Variants in NECAP1 observed in about 807,000 individuals in gnomAD.
NECAP1 encodes adaptin ear-binding coat-associated protein 1.
A neutral mutation model predicts 33.4 loss-of-function variants in NECAP1; 13 were observed. The ratio of observed to expected loss-of-function variants is 0.39; its 90% CI spans 0.25 to 0.62. NECAP1 has a LOEUF of 0.62. Among genes scored for constraint, NECAP1 ranks in the 20% least tolerant of loss-of-function variants. The pLI is 0.52. For synonymous variants in NECAP1, 109 were observed against 125.2 expected, an observed-to-expected ratio of 0.87 and a Z score of 0.86; for missense variants, 272 against 347.4, an observed-to-expected ratio of 0.78 and a Z score of 1.73.
chr12:8,089,952 T>C lies in NECAP1; in HGVS notation c.112T>C (p.Leu38=). The change falls in exon 2 of 8, where the codon TTA becomes CTA. Residue 38 remains leucine (L), a synonymous_variant. Transcript: ENST00000339754. Reference sequence around the variant, plus strand: ...CTGTCCTAGGGCCTCTGACTGGAAATTAGACCAGCCTGATTGGACTGGTCG... The same window carrying C: ...CTGTCCTAGGGCCTCTGACTGGAAACTAGACCAGCCTGATTGGACTGGTCG... ...NRGYRASDWK[L]DQPDWTGRLR... The C allele has an allele frequency of 6.2e-7, 1 of 1,614,160 alleles. No individual in the cohort carries two copies. Among genetic ancestry groups the C allele is most frequent in the Non-Finnish European group, 8.5e-7 (1 of 1,180,004 alleles).
At chr12:8,083,504 ACTGCAACCTCCGCCT>A (rs1947461883) in intron 1 of NECAP1, among the ~76,000 whole-genome samples, 1 of 126,798 alleles carries the variant, frequency 7.9e-6, no homozygotes, top group Admixed American at 1.1e-4. Context: ...ATCTCAGCTC[ACTGCAACCTCCGCCT>A]CCTGGGTTCA....
intron 1 of NECAP1, among the ~76,000 whole-genome samples, chr12:8,086,928 TACACACACACAC>T (rs140539415): frequency 2.8e-5 from 4 of 143,842 alleles, no homozygotes; most frequent in East Asian, 4.1e-4. Context: ...GAGACTCTAT[TACACACACACAC>T]ACACACACAC....
chr12:8,082,753 T>G (rs1947451765), intron 1 of NECAP1: 4 of 130,730 alleles, frequency 3.1e-5, no homozygotes, highest in Non-Finnish European at 4.4e-5. Flanking sequence ...ATCATCCTCA[T>G]CCTTTCTCTC....
chr12:8,082,480 C>G, intron 1 of NECAP1, 97 bp downstream of exon 1: 3 of 1,114,372 alleles, frequency 2.7e-6, no homozygotes, highest in Non-Finnish European at 3.9e-6. Flanking sequence ...ACTACTACCT[C>G]TGTATTGTCA....
At chr12:8,082,457 G>T in intron 1 of NECAP1, 74 bp downstream of exon 1, 1 of 1,355,686 alleles carries the variant, frequency 7.4e-7, no homozygotes, top group Non-Finnish European at 1.0e-6. Flanking sequence ...CTAGCACGCT[G>T]TCCGTCCCTG....
rs1305888324 is a variant in NECAP1, at chr12:8,097,731, G to C, written c.*1641G>C. ...GATATATGTATATAAAGTGTATGCT[G>C]TATTGGTGCAATAATGGTAATTAAA... On this transcript the variant is annotated 3_prime_UTR_variant, in exon 8 of 8. Coordinates refer to ENST00000339754, the MANE Select transcript of NECAP1 (RefSeq NM_015509.4). 6.5e-6 allele frequency: 1 copy of C among 152,702 alleles called. No homozygotes were observed. Among genetic ancestry groups the C allele is most frequent in the East Asian group, 1.9e-4 (1 of 5,182 alleles). The allele number at this position is 152,702 out of a possible 1,614,324, so 9.5% of individuals were successfully genotyped here.
At position 8,092,944 on chromosome 12, in the gene NECAP1, C is replaced by T; in HGVS notation, c.565C>T (p.Pro189Ser). Reference protein sequence around the residue: ...ARGGGLSLLPPPPGGKVTIPP... With the variant: ...ARGGGLSLLPSPPGGKVTIPP... ...GGGTGGGGGTCTGAGCTTACTCCCA[C>T]CCCCGCCAGGAGGCAAAGTCACTAT... is the stretch of plus-strand genomic sequence containing the variant. Residue 189 changes from proline (P) to serine (S), a missense_variant, in exon 6 of 8, where the codon CCC becomes TCC. By Grantham distance (74) the Pro-to-Ser change is moderately conservative (BLOSUM62 -1). Coordinates refer to ENST00000339754, the MANE Select transcript of NECAP1 (RefSeq NM_015509.4). 1.2e-6 allele frequency: 2 copies of T among 1,604,062 alleles called. No homozygotes were observed. Among genetic ancestry groups the T allele is most frequent in the Non-Finnish European group, 1.7e-6 (2 of 1,175,328 alleles).
chr12:8,082,531 A>C (rs1591593545), intron 1 of NECAP1, 148 bp downstream of exon 1: 1 of 658,736 alleles, frequency 1.5e-6, no homozygotes, highest in Non-Finnish European at 2.7e-6. Context: ...CTCCCTGACC[A>C]CCTGCTCCAT....
chr12:8,091,648 G>T lies in NECAP1; in HGVS notation c.302-121G>T, dbSNP rs114276554. 38 of 782,764 alleles carry T rather than the reference G, an allele frequency of 4.9e-5. No homozygotes were observed. In the African/African-American group the frequency reaches 5.5e-4, roughly 11 times the overall value. The allele number at this position is 782,764 out of a possible 1,614,324, so 48.5% of individuals were successfully genotyped here. ...AAATACAATGAAGCTTTGCTCTCTC[G>T]TGTGCAACTCACCTCCTGCTGCATG... On this transcript the variant is annotated intron_variant, in intron 3 of 7. Coordinates refer to ENST00000339754, the MANE Select transcript of NECAP1 (RefSeq NM_015509.4).
intron 7 of NECAP1, 140 bp downstream of exon 7, chr12:8,095,843 T>C: frequency 1.8e-6 from 2 of 1,099,966 alleles, no homozygotes; most frequent in South Asian, 1.4e-5. Flanking sequence ...GAAGGAAATA[T>C]AGTAGTGCTG....
chr12:8,090,130 C>G (rs767823872), intron 2 of NECAP1, 65 bp from the exon 3 acceptor site: 280 of 1,584,106 alleles, frequency 1.8e-4, no homozygotes, highest in Non-Finnish European at 2.3e-4. Context: ...GGAAATACTA[C>G]TTGTTAATTG....
intron 1 of NECAP1, 88 bp from the exon 2 acceptor site, chr12:8,089,848 T>G: frequency 1.0e-6 from 1 of 963,930 alleles, no homozygotes; most frequent in Non-Finnish European, 1.7e-6. Context: ...CAATCCAGGA[T>G]AGGGAAATAG....
At position 8,096,242 on chromosome 12, in the gene NECAP1, T is replaced by G; in HGVS notation, c.*152T>G. Reference sequence around the variant, plus strand: ...AGCTTCTCCATCACATTCAAGCTGGTTTATGTCACTCCCCTGTGTTGTTAC... The same window carrying G: ...AGCTTCTCCATCACATTCAAGCTGGGTTATGTCACTCCCCTGTGTTGTTAC... On this transcript the variant is annotated 3_prime_UTR_variant, in exon 8 of 8. Coordinates refer to ENST00000339754, the MANE Select transcript of NECAP1 (RefSeq NM_015509.4). 2.7e-6 allele frequency: 2 copies of G among 728,302 alleles called. No individual in the cohort carries two copies. Among genetic ancestry groups the G allele is most frequent in the South Asian group, 3.6e-5 (2 of 54,950 alleles). 45.1% of individuals were successfully genotyped at this position (728,302 alleles called of 1,614,324 possible).
At position 8,083,789 on chromosome 12, in the gene NECAP1, A is replaced by G. The variant is rs181323551; in HGVS notation, c.95+1406A>G. Among the ~76,000 whole-genome samples the G allele has an allele frequency of 2.2e-4, 28 of 128,680 alleles. No homozygotes were observed. The East Asian group carries it at 6.8e-3, about 31-fold the overall frequency. 84.4% of individuals were successfully genotyped at this position (128,680 alleles called of 152,430 possible). A position where few individuals can be genotyped will look rare whatever the true frequency, so the allele number is the denominator to read the frequency against. ...GGTCTCGTTCTATCATCCAGGCTGG[A>G]GTGCAAGTGGTGCAATCACAGCTCA... On this transcript the variant is annotated intron_variant, in intron 1 of 7. Transcript: ENST00000339754.
chr12:8,096,346 C>G lies in NECAP1; in HGVS notation c.*256C>G, dbSNP rs1292803331. 2 of 415,296 alleles carry G rather than the reference C, an allele frequency of 4.8e-6. No individual in the cohort carries two copies. The highest frequency in any genetic ancestry group is 2.0e-5 in the African/African-American group (1 of 50,338). 25.7% of individuals were successfully genotyped at this position (415,296 alleles called of 1,614,324 possible). Reference sequence around the variant, plus strand: ...CTAGTGGATCTTATCATAGTTTTGGCTGACTATGCAGGGCTTAAAAGGCCA... The same window carrying G: ...CTAGTGGATCTTATCATAGTTTTGGGTGACTATGCAGGGCTTAAAAGGCCA... On this transcript the variant is annotated 3_prime_UTR_variant, in exon 8 of 8. Coordinates refer to ENST00000339754, the MANE Select transcript of NECAP1 (RefSeq NM_015509.4).
Position 8,096,361 on chromosome 12 carries a change from T to C in NECAP1, c.*271T>C, listed in dbSNP as rs1947594669. The C allele has an allele frequency of 2.7e-6, 1 of 372,038 alleles. No homozygotes were observed. Among genetic ancestry groups the C allele is most frequent in the African/African-American group, 2.0e-5 (1 of 49,108 alleles). The allele number at this position is 372,038 out of a possible 1,614,324, so 23.0% of individuals were successfully genotyped here. The stretch of plus-strand genomic sequence containing the variant: ...ATAGTTTTGGCTGACTATGCAGGGC[T>C]TAAAAGGCCAGCGTCTGTTTGAGGG... On this transcript the variant is annotated 3_prime_UTR_variant, in exon 8 of 8. Coordinates refer to ENST00000339754, the MANE Select transcript of NECAP1 (RefSeq NM_015509.4).
Position 8,092,872 on chromosome 12 carries a change from A to G in NECAP1, c.493A>G (p.Asn165Asp). 1 of 1,573,302 alleles carries G rather than the reference A, an allele frequency of 6.4e-7. No homozygotes were observed. Among genetic ancestry groups the G allele is most frequent in the Non-Finnish European group, 8.6e-7 (1 of 1,159,978 alleles). The part of the protein sequence containing the change: ...EGQTIKLCIG[N>D]ITNKKGGASK... ...TTGCTCTTCTTTTTTTCTTTTGTAG[A>G]ACATTACAAACAAGAAAGGAGGTGC... The change falls in exon 6 of 8, where the codon AAC becomes GAC. Residue 165 changes from asparagine (N) to aspartate (D), a missense_variant and splice_region_variant. Asn to Asp is a conservative substitution (Grantham distance 23). Coordinates refer to ENST00000339754, the MANE Select transcript of NECAP1 (RefSeq NM_015509.4).
intron 6 of NECAP1, among the ~76,000 whole-genome samples, chr12:8,094,978 G>A (rs898751716): frequency 1.3e-5 from 2 of 152,116 alleles, no homozygotes; most frequent in South Asian, 2.1e-4. Flanking sequence ...TTCTATGAAA[G>A]GAATCATACA....
intron 6 of NECAP1, 188 bp from the exon 7 acceptor site, chr12:8,095,413 T>C (rs1947585676): frequency 2.7e-6 from 1 of 373,712 alleles, no homozygotes; most frequent in African/African-American, 2.2e-5. Context: ...CGCGCCCGGC[T>C]AATTTTTTGT....
Sources: gnomAD v4.1 joint callset for allele counts (sites outside exome capture counted in the v4.1 genomes callset) on GRCh38, gnomAD v4.1.1 for gene constraint, MANE v1.5 for transcripts, NCBI Gene and HGNC (gene_info 2026-07-23, HGNC 2026-07-21) for gene names.